Variants in DOCK3 observed in about 807,000 individuals in gnomAD.
The protein encoded by DOCK3 is dedicator of cytokinesis 3.
A neutral mutation model predicts 265.6 loss-of-function variants in DOCK3; 60 were observed. The ratio of observed to expected loss-of-function variants is 0.23; its 90% CI spans 0.18 to 0.28. The LOEUF (loss-of-function observed/expected upper bound fraction) is 0.28. Ranked by LOEUF, DOCK3 falls within the 10% of genes least tolerant of loss-of-function variation. The pLI, the probability that DOCK3 is intolerant of heterozygous loss-of-function variation, is 1.00. For synonymous variants in DOCK3, 881 were observed against 938.0 expected, an observed-to-expected ratio of 0.94 and a Z score of 1.11; for missense variants, 1,981 against 2,594.3, an observed-to-expected ratio of 0.76 and a Z score of 5.14.
At chr3:50,831,210 TTTATTTATTTATTTA>T (rs1429371614) in intron 2 of DOCK3, among the ~76,000 whole-genome samples, 3 of 150,418 alleles carry the variant, frequency 2.0e-5, no homozygotes, top group Non-Finnish European at 4.4e-5. Flanking sequence ...TATTTATTTA[TTTATTTATTTATTTA>T]TTTTTAATTT....
chr3:51,358,502 C>A (rs548311375), intron 46 of DOCK3, among the ~76,000 whole-genome samples: 1 of 152,260 alleles, frequency 6.6e-6, no homozygotes, highest in Non-Finnish European at 1.5e-5. Flanking sequence ...TCTCCCTGTC[C>A]TTCTTCATTC....
intron 4 of DOCK3, among the ~76,000 whole-genome samples, chr3:50,906,767 C>T (rs1207202665): frequency 6.6e-6 from 1 of 152,118 alleles, no homozygotes; most frequent in East Asian, 1.9e-4. Flanking sequence ...CAGTTCTGCT[C>T]TGATCTTAGT....
chr3:51,380,879 A>G (rs2088576021), intron 52 of DOCK3, among the ~76,000 whole-genome samples, 171 bp from the exon 53 acceptor site: 1 of 152,190 alleles, frequency 6.6e-6, no homozygotes, highest in Non-Finnish European at 1.5e-5. Context: ...CTGGAGTTCC[A>G]CTGGCTTAGG....
At position 51,246,909 on chromosome 3, in the gene DOCK3, C is replaced by A. The variant is rs545420130; in HGVS notation, c.2184+102C>A. ...CAGGACAAATGTAGACATCGCAGTA[C>A]CTGGCCTGCTTTCAGGAATGACTGT... On this transcript the variant is annotated intron_variant, in intron 22 of 52. Transcript: ENST00000266037. The A allele has an allele frequency of 6.6e-5, 76 of 1,145,316 alleles. No individual in the cohort carries two copies. The African/African-American group carries it at 8.2e-4, about 12-fold the overall frequency. 70.9% of individuals were successfully genotyped at this position (1,145,316 alleles called of 1,614,324 possible). A position where few individuals can be genotyped will look rare whatever the true frequency, so the allele number is the denominator to read the frequency against.
intron 38 of DOCK3, among the ~76,000 whole-genome samples, chr3:51,344,378 C>T (rs558356648): frequency 3.9e-5 from 6 of 152,114 alleles, no homozygotes; most frequent in Non-Finnish European, 5.9e-5. Context: ...CCCAACACTT[C>T]GGGAGGCCAA....
At chr3:51,210,123 A>T (rs1347934039) in intron 13 of DOCK3, among the ~76,000 whole-genome samples, 1 of 152,214 alleles carries the variant, frequency 6.6e-6, no homozygotes, top group African/African-American at 2.4e-5. Context: ...GTGGGACATA[A>T]TGTGATTAAA....
intron 4 of DOCK3, among the ~76,000 whole-genome samples, chr3:50,897,403 A>G (rs982870327): frequency 1.2e-4 from 18 of 152,208 alleles, no homozygotes; most frequent in East Asian, 3.9e-4. Flanking sequence ...GGGTTTTCTA[A>G]ATATACAATC....
chr3:51,127,369 C>CTT (rs1415542963), intron 9 of DOCK3, among the ~76,000 whole-genome samples: 3 of 152,150 alleles, frequency 2.0e-5, no homozygotes, highest in African/African-American at 4.8e-5. Context: ...CCCTTGTCAA[C>CTT]TTGAACCCAT....
intron 5 of DOCK3, among the ~76,000 whole-genome samples, chr3:50,976,173 G>T: frequency 8.7e-6 from 1 of 114,568 alleles, no homozygotes; most frequent in Non-Finnish European, 1.8e-5. Flanking sequence ...GTTATTTCTT[G>T]CCTTCTGCTA....
intron 1 of DOCK3, among the ~76,000 whole-genome samples, chr3:50,681,065 A>G (rs2034371330): frequency 6.6e-6 from 1 of 151,908 alleles, no homozygotes; most frequent in African/African-American, 2.4e-5. Context: ...CATTTTCCCT[A>G]TGTTTTCTTT....
chr3:51,012,583 C>A (rs1415180898), intron 5 of DOCK3, among the ~76,000 whole-genome samples: 1 of 152,106 alleles, frequency 6.6e-6, no homozygotes, highest in East Asian at 1.9e-4. Context: ...TTCTCTGACC[C>A]CTTGCGCTTC....
chr3:51,257,364 T>G (rs955482102), intron 22 of DOCK3, among the ~76,000 whole-genome samples: 2 of 152,338 alleles, frequency 1.3e-5, no homozygotes, highest in Middle Eastern at 3.4e-3. Flanking sequence ...ACTTCTTCCT[T>G]AATACTTTTG....
At chr3:51,253,015 G>T (rs1194108449) in intron 22 of DOCK3, among the ~76,000 whole-genome samples, 3 of 152,074 alleles carry the variant, frequency 2.0e-5, no homozygotes, top group East Asian at 1.9e-4. Flanking sequence ...TAAGTAGCTC[G>T]TATTATTTTG....
rs558436214 is a variant in DOCK3 at position 51,051,793 on chromosome 3, GCCT to G, written c.316-12653_316-12651del. ...TTGTATTTTCTCAGCTTCTGGGGAG[GCCT>G]CAGGGAGCTTTTACTCATGTCAGGA... is the stretch of plus-strand genomic sequence containing the variant. On this transcript the variant is annotated intron_variant, in intron 5 of 52. Transcript: ENST00000266037. Among the ~76,000 whole-genome samples, 60 of 152,246 alleles carry G rather than the reference GCCT, an allele frequency of 3.9e-4. 1 individual carries two copies. The South Asian group carries it at 0.012, about 31-fold the overall frequency.
intron 4 of DOCK3, among the ~76,000 whole-genome samples, chr3:50,905,781 C>T (rs1207159172): frequency 2.0e-5 from 3 of 152,054 alleles, no homozygotes; most frequent in Non-Finnish European, 4.4e-5. Context: ...TTGCCCTGGC[C>T]AGAACTTCCA....
chr3:51,104,565 G>A (rs962477899), intron 9 of DOCK3, among the ~76,000 whole-genome samples: 2 of 152,104 alleles, frequency 1.3e-5, no homozygotes, highest in Admixed American at 6.5e-5. Flanking sequence ...GCAGTAAAAT[G>A]GCTTTATATG....
chr3:51,020,297 G>A (rs1409678027), intron 5 of DOCK3, among the ~76,000 whole-genome samples: 1 of 151,510 alleles, frequency 6.6e-6, no homozygotes, highest in Non-Finnish European at 1.5e-5. Context: ...CACGTCTTTT[G>A]CCCACTTTTT....
intron 12 of DOCK3, among the ~76,000 whole-genome samples, chr3:51,184,498 T>A (rs1256726153): frequency 6.6e-6 from 1 of 151,368 alleles, no homozygotes; most frequent in Non-Finnish European, 1.5e-5. Flanking sequence ...AAAGGAACAT[T>A]GAAGCTAACT....
chr3:51,265,953 G>A (rs921710250), intron 23 of DOCK3, among the ~76,000 whole-genome samples: 7 of 152,262 alleles, frequency 4.6e-5, no homozygotes, highest in Admixed American at 2.6e-4. Flanking sequence ...AAACCCCATT[G>A]TCTCAGCCCC....
Sources: gnomAD v4.1 joint callset for allele counts (sites outside exome capture counted in the v4.1 genomes callset) on GRCh38, gnomAD v4.1.1 for gene constraint, MANE v1.5 for transcripts, NCBI Gene and HGNC (gene_info 2026-07-23, HGNC 2026-07-21) for gene names.